Variants in VWF observed in about 807,000 individuals in gnomAD.
VWF encodes the protein von Willebrand factor, also known as Factor VIII related antigen.
In VWF, 176 loss-of-function variants were observed where a neutral mutation model predicts 308.6. The observed-to-expected ratio is 0.57, with a 90% CI of 0.50 to 0.65. The LOEUF (loss-of-function observed/expected upper bound fraction) is 0.65, where lower values mean the gene tolerates loss of function less well. Among genes scored for constraint, VWF ranks in the 30% least tolerant of loss-of-function variants. The pLI, the probability that VWF is intolerant of heterozygous loss-of-function variation, is 0.00. For missense variants in VWF, 3,146 were observed against 3,648.2 expected (o/e 0.86, Z 3.55); for synonymous variants, 1,385 against 1,443.4 (o/e 0.96, Z 0.92).
At chr12:5,963,798 T>C (rs1565810722) in intron 47 of VWF, among the ~76,000 whole-genome samples, 1 of 152,316 alleles carries the variant, frequency 6.6e-6, no homozygotes, top group East Asian at 1.9e-4. Flanking sequence ...GAGCGCCTTA[T>C]TTATATCTGC....
chr12:5,987,033 T>C (rs1741380351), intron 38 of VWF, among the ~76,000 whole-genome samples: 4 of 152,364 alleles, frequency 2.6e-5, no homozygotes, highest in Admixed American at 2.0e-4. Flanking sequence ...GTTTAAGTGA[T>C]TCTCCTGCCT....
intron 6 of VWF, among the ~76,000 whole-genome samples, chr12:6,094,985 C>T (rs1945090714): frequency 6.6e-6 from 1 of 151,164 alleles, no homozygotes. Context: ...CTCAGTCTCC[C>T]GAGTAGCTGG....
Position 6,011,636 on chromosome 12 carries a change from G to T in VWF, c.5823C>A (p.Gly1941=). The part of the protein sequence containing the change: ...QSPVKVEETC[G]CRWTCPCVCT... ...ACTCACAGGGGCAGGTCCAGCGGCA[G>T]CCACAGGTCTCTTCCACTTTAACAG... Residue 1941 remains glycine, a synonymous_variant, in exon 34 of 52, where the codon GGC becomes GGA. Coordinates refer to ENST00000261405, the MANE Select transcript of VWF (RefSeq NM_000552.5). 6.2e-7 allele frequency: 1 copy of T among 1,611,524 alleles called. No individual in the cohort carries two copies. Among genetic ancestry groups the T allele is most frequent in the Non-Finnish European group, 8.5e-7 (1 of 1,179,288 alleles).
Position 6,016,354 on chromosome 12 carries a change from T to G in VWF, c.5312-122A>C. On this transcript the variant is annotated intron_variant, in intron 30 of 51. Coordinates refer to ENST00000261405, the MANE Select transcript of VWF (RefSeq NM_000552.5). ...TTCAGAAACTCCAAGGAACACCCAG[T>G]TGAGATCTGGAGAGACGTGGAAGAG... 4.0e-6 allele frequency: 6 copies of G among 1,515,566 alleles called. No homozygotes were observed. The South Asian group carries it at 4.7e-5, about 12-fold the overall frequency. The allele number at this position is 1,515,566 out of a possible 1,614,324, so 93.9% of individuals were successfully genotyped here.
chr12:5,960,009 A>G (rs1943294510), intron 47 of VWF, among the ~76,000 whole-genome samples: 1 of 149,384 alleles, frequency 6.7e-6, no homozygotes. Context: ...AAATATAAAA[A>G]GTAAAACAAC....
Position 6,063,088 on chromosome 12 carries a change from T to G in VWF, c.1433-34A>C, listed in dbSNP as rs1591894305. The G allele has an allele frequency of 6.3e-7, 1 of 1,580,356 alleles. No homozygotes were observed. The highest frequency in any genetic ancestry group is 1.3e-5 in the African/African-American group (1 of 74,118). ...CAGCAGGACAGGACTCAGGCAGAGG[T>G]GGGGAGAGGACAGGGTGGTGGCAGG... On this transcript the variant is annotated intron_variant, in intron 12 of 51. Coordinates refer to ENST00000261405, the MANE Select transcript of VWF (RefSeq NM_000552.5). The surrounding 1 kb of genome is among the most constrained non-coding windows in gnomAD (Gnocchi z 4.9).
chr12:5,994,623 A>G lies in VWF; in HGVS notation c.6064-16T>C, dbSNP rs1943788233. ...TCACCGTCACCTGCACAAAGAAGAA[A>G]GAGCTCATCCGTAGTCCTAGCAATG... On this transcript the variant is annotated splice_polypyrimidine_tract_variant and intron_variant, in intron 35 of 51. Transcript: ENST00000261405. The G allele has an allele frequency of 1.9e-6, 3 of 1,613,630 alleles. No homozygotes were observed. The highest frequency in any genetic ancestry group is 2.5e-6 in the Non-Finnish European group (3 of 1,179,552).
At chr12:6,084,311 A>C (rs1029023476) in intron 6 of VWF, among the ~76,000 whole-genome samples, 1 of 152,194 alleles carries the variant, frequency 6.6e-6, no homozygotes, top group Non-Finnish European at 1.5e-5. Flanking sequence ...CACTTCCAGC[A>C]TCTCCCTGGC....
chr12:6,112,446 G>A (rs1349767122), intron 3 of VWF, among the ~76,000 whole-genome samples: 2 of 152,152 alleles, frequency 1.3e-5, no homozygotes, highest in Non-Finnish European at 1.5e-5. Context: ...TCAAGCCTTG[G>A]AGACTGAGAA....
chr12:6,025,012 G>C (rs1322360452), intron 24 of VWF, among the ~76,000 whole-genome samples: 6 of 104,274 alleles, frequency 5.8e-5, no homozygotes, highest in African/African-American at 1.2e-4. Flanking sequence ...GACAGAGCGA[G>C]ACTCTGTCTC....
chr12:6,001,131 A>T (rs1376098834), intron 34 of VWF, among the ~76,000 whole-genome samples: 1 of 152,216 alleles, frequency 6.6e-6, no homozygotes, highest in Non-Finnish European at 1.5e-5. Context: ...GCTTAAATTT[A>T]AAAATATGGG....
intron 13 of VWF, among the ~76,000 whole-genome samples, chr12:6,061,786 C>T (rs7313679): frequency 0.12 from 17,934 of 152,166 alleles, 1,388 homozygotes; most frequent in African/African-American, 0.23. Context: ...TATGAAGACG[C>T]TATTTGCCTT....
Position 6,044,455 on chromosome 12 carries a change from G to T in VWF, c.2282-4C>A. On this transcript the variant is annotated splice_polypyrimidine_tract_variant and splice_region_variant and intron_variant, in intron 17 of 51. Transcript: ENST00000261405. The stretch of plus-strand genomic sequence containing the variant: ...CGACAGGATAGGCTCCTTTTGCCTC[G>T]AAGGTAGGAAAAGCAAAGAGATGAT... 1 of 1,613,900 alleles carries T rather than the reference G, an allele frequency of 6.2e-7. No individual in the cohort carries two copies. Among genetic ancestry groups the T allele is most frequent in the Non-Finnish European group, 8.5e-7 (1 of 1,179,930 alleles).
chr12:6,079,514 G>A (rs2136479516), intron 6 of VWF, among the ~76,000 whole-genome samples: 1 of 152,184 alleles, frequency 6.6e-6, no homozygotes, highest in African/African-American at 2.4e-5. Context: ...GGAGGCTGAG[G>A]CAGGAGAATG....
At chr12:6,107,517 G>A (rs1945256353) in intron 5 of VWF, among the ~76,000 whole-genome samples, 1 of 152,092 alleles carries the variant, frequency 6.6e-6, no homozygotes, top group African/African-American at 2.4e-5. Flanking sequence ...TTGAAAGAAT[G>A]GAAAAAGATA....
intron 48 of VWF, 48 bp from the exon 49 acceptor site, chr12:5,952,567 C>T: frequency 6.2e-7 from 1 of 1,604,248 alleles, no homozygotes; most frequent in Non-Finnish European, 8.5e-7. Flanking sequence ...GTTTGGTTCA[C>T]AAAGCCACTT....
chr12:5,965,487 C>T (rs1193670955), intron 47 of VWF, among the ~76,000 whole-genome samples: 1 of 152,188 alleles, frequency 6.6e-6, no homozygotes, highest in African/African-American at 2.4e-5. Context: ...TCCGGGACGC[C>T]TTTCCAGGGT....
chr12:6,097,685 G>A (rs1945119554), intron 5 of VWF, among the ~76,000 whole-genome samples: 1 of 152,136 alleles, frequency 6.6e-6, no homozygotes, highest in Admixed American at 6.5e-5. Flanking sequence ...AACCATGAAA[G>A]AATAAATTTC....
chr12:6,052,011 C>A (rs191726123), intron 16 of VWF, among the ~76,000 whole-genome samples: 7 of 152,180 alleles, frequency 4.6e-5, no homozygotes, highest in Non-Finnish European at 7.3e-5. Flanking sequence ...ATTTCTTCCA[C>A]GCTCATGGCA....
Sources: allele counts gnomAD v4.1 joint callset (sites outside exome capture counted in the v4.1 genomes callset), GRCh38; gene constraint gnomAD v4.1.1; non-coding constraint Gnocchi (gnomAD v3.1); transcripts MANE v1.5; gene names NCBI Gene and HGNC (gene_info 2026-07-23, HGNC 2026-07-21).